ADNP2: variants seen among roughly 807,000 people sequenced by gnomAD.
The protein encoded by ADNP2 is ADNP homeobox 2, also known as activity-dependent neuroprotector homeobox protein 2.
A neutral mutation model predicts 16.4 loss-of-function variants in ADNP2; 8 were observed. That is an observed-to-expected ratio of 0.49 (90% CI 0.29 to 0.88). ADNP2 has a LOEUF of 0.88. Among genes scored for constraint, ADNP2 ranks in the 40% least tolerant of loss-of-function variants. The pLI, the probability that ADNP2 is intolerant of heterozygous loss-of-function variation, is 0.09. For synonymous variants in ADNP2, 637 were observed against 545.8 expected (o/e 1.17, Z -2.33); for missense variants, 1,397 against 1,395.1 (o/e 1.00, Z -0.02).
chr18:80,137,038 T>G lies in ADNP2; in HGVS notation c.1625T>G (p.Val542Gly). 2 of 1,614,178 alleles carry G rather than the reference T, an allele frequency of 1.2e-6. No homozygotes were observed. The highest frequency in any genetic ancestry group is 8.5e-7 in the Non-Finnish European group (1 of 1,180,024). ...VPVNQGVNSG[V>G]LQLSQPVVSG... The stretch of plus-strand genomic sequence containing the variant: ...GTAAACCAGGGTGTGAATTCTGGTG[T>G]TCTGCAGCTTAGTCAGCCTGTTGTG... Residue 542 changes from valine (V) to glycine (G), a missense_variant, in exon 4 of 4, where the codon GTT becomes GGT. Val to Gly is a moderately radical substitution (Grantham distance 109). Around this residue, in one of 3 missense-constraint regions of ADNP2, gnomAD observed 777 missense variants for 719.4 expected, o/e 1.08. Transcript: ENST00000262198. The surrounding 1 kb of genome is among the most constrained non-coding windows in gnomAD (Gnocchi z 4.2).
chr18:80,125,818 A>AT (rs2052455006), intron 2 of ADNP2, among the ~76,000 whole-genome samples: 1 of 152,058 alleles, frequency 6.6e-6, no homozygotes, highest in South Asian at 2.1e-4. Flanking sequence ...CTCAAAAAAA[A>AT]TTTTTTTAAT....
At chr18:80,129,837 T>A (rs967762781) in intron 2 of ADNP2, among the ~76,000 whole-genome samples, 2 of 152,174 alleles carry the variant, frequency 1.3e-5, no homozygotes, top group African/African-American at 4.8e-5. Flanking sequence ...GTAGTTTTAT[T>A]TGGGGGCTTG....
chr18:80,136,924 C>T lies in ADNP2; in HGVS notation c.1511C>T (p.Ala504Val). ...PSRVLPPGQT[A>V]PLRVISAGQV... ...CGGGTTCTTCCCCCAGGCCAGACAGCCCCATTGAGGGTTATCTCTGCAGGC... is the reference window on the plus strand; with the variant it reads ...CGGGTTCTTCCCCCAGGCCAGACAGTCCCATTGAGGGTTATCTCTGCAGGC... The change falls in exon 4 of 4, where the codon GCC (alanine) becomes GTC (valine). Residue 504 changes from alanine (A) to valine (V), a missense_variant. This residue lies in a region of ADNP2 where 777 missense variants were observed against 719.4 expected (regional missense o/e 1.08). Transcript: ENST00000262198. The T allele has an allele frequency of 6.2e-7, 1 of 1,613,798 alleles. No homozygotes were observed. Among genetic ancestry groups the T allele is most frequent in the African/African-American group, 1.3e-5 (1 of 75,014 alleles).
In ADNP2 at chr18:80,138,680, A is replaced by AT; in HGVS notation, c.3273dup (p.Gly1092TrpfsTer23). The AT allele has an allele frequency of 6.2e-7, 1 of 1,612,556 alleles. No individual in the cohort carries two copies. Among genetic ancestry groups the AT allele is most frequent in the Non-Finnish European group, 8.5e-7 (1 of 1,179,714 alleles). On this transcript the variant is annotated frameshift_variant, in exon 4 of 4. Coordinates refer to ENST00000262198, the MANE Select transcript of ADNP2 (RefSeq NM_014913.4). LOFTEE classifies it high-confidence loss of function. ...GGGTGTGGAAAATTGATGTGGCTTC[A>AT]TTTTTTGGAAAAAGAAGGTATATTT...
At chr18:80,128,041 G>C (rs1248173052) in intron 2 of ADNP2, among the ~76,000 whole-genome samples, 2 of 152,160 alleles carry the variant, frequency 1.3e-5, no homozygotes, top group African/African-American at 4.8e-5. Flanking sequence ...TACTTCTTTT[G>C]TCTATTTTGA....
chr18:80,124,451 A>G (rs1568410861), intron 2 of ADNP2, among the ~76,000 whole-genome samples: 1 of 152,212 alleles, frequency 6.6e-6, no homozygotes, highest in Non-Finnish European at 1.5e-5. Context: ...GGTTTATGAC[A>G]AAGAAAGGAT....
chr18:80,120,411 A>C lies in ADNP2; in HGVS notation c.108+2761A>C, dbSNP rs74471162. Among the ~76,000 whole-genome samples the C allele has an allele frequency of 2.7e-5, 4 of 149,094 alleles. No homozygotes were observed. The East Asian group carries it at 8.0e-4, about 30-fold the overall frequency. On this transcript the variant is annotated intron_variant, in intron 2 of 3. Transcript: ENST00000262198. The stretch of plus-strand genomic sequence containing the variant: ...CAGTGGTACAATCATGGCTCCCTGC[A>C]GCCTTGATTTCCTGGGCTCAGATGA...
intron 2 of ADNP2, among the ~76,000 whole-genome samples, chr18:80,122,715 C>G (rs2052432551): frequency 6.6e-6 from 1 of 152,186 alleles, no homozygotes; most frequent in South Asian, 2.1e-4. Flanking sequence ...CTGGTAGTTT[C>G]TTGTAGATTC....
Position 80,135,793 on chromosome 18 carries a change from TC to T in ADNP2, c.382del (p.His128MetfsTer12). 1.2e-6 allele frequency: 2 copies of T among 1,614,204 alleles called. No homozygotes were observed. Among genetic ancestry groups the T allele is most frequent in the Non-Finnish European group, 8.5e-7 (1 of 1,180,032 alleles). On this transcript the variant is annotated frameshift_variant, in exon 4 of 4. Transcript: ENST00000262198. LOFTEE classifies it low-confidence loss of function (END_TRUNC). ...PKVVGRHFRM[F>X]HAPVRKVQNY... Reference sequence around the variant, plus strand: ...GTTGTGGGAAGGCACTTCAGAATGTTCCATGCACCTGTCCGGAAAGTCCAGA... The same window carrying T: ...GTTGTGGGAAGGCACTTCAGAATGTTCATGCACCTGTCCGGAAAGTCCAGA...
At chr18:80,130,800 T>C (rs1229437303) in intron 2 of ADNP2, among the ~76,000 whole-genome samples, 1 of 146,452 alleles carries the variant, frequency 6.8e-6, no homozygotes, top group Non-Finnish European at 1.5e-5. Flanking sequence ...TATACTCCTT[T>C]ACCACTTCAC....
intron 1 of ADNP2, among the ~76,000 whole-genome samples, chr18:80,111,663 T>C (rs1379942510): frequency 6.7e-6 from 1 of 149,298 alleles, no homozygotes; most frequent in African/African-American, 2.5e-5. Context: ...GTCTCCCGGG[T>C]TCAAGCGATT....
intron 2 of ADNP2, among the ~76,000 whole-genome samples, chr18:80,131,485 A>T (rs539929647): frequency 6.6e-6 from 1 of 152,116 alleles, no homozygotes. Context: ...AAAAAAATAC[A>T]CTTTTCTTTC....
intron 2 of ADNP2, among the ~76,000 whole-genome samples, chr18:80,124,363 C>T (rs991168024): frequency 6.6e-6 from 1 of 152,140 alleles, no homozygotes; most frequent in Non-Finnish European, 1.5e-5. Flanking sequence ...ACTGGTGTTC[C>T]CACAACTCCC....
At position 80,136,922 on chromosome 18, in the gene ADNP2, A is replaced by G. The variant is rs1281933150; in HGVS notation, c.1509A>G (p.Thr503=). 6 of 1,613,848 alleles carry G rather than the reference A, an allele frequency of 3.7e-6. No individual in the cohort carries two copies. In the Admixed American group the frequency reaches 6.7e-5, roughly 18 times the overall value. ...CACGGGTTCTTCCCCCAGGCCAGAC[A>G]GCCCCATTGAGGGTTATCTCTGCAG... ...APSRVLPPGQ[T]APLRVISAGQ... Residue 503 remains threonine (T), a synonymous_variant, in exon 4 of 4, where the codon ACA becomes ACG. Coordinates refer to ENST00000262198, the MANE Select transcript of ADNP2 (RefSeq NM_014913.4).
In ADNP2 at chr18:80,117,556, C is replaced by G; in HGVS notation, c.14C>G (p.Pro5Arg). The change falls in exon 2 of 4, where the codon CCT becomes CGT. Residue 5 changes from proline (P) to arginine (R), a missense_variant. Pro to Arg is a moderately radical substitution (Grantham distance 103). Transcript: ENST00000262198. ...AAAATTTCAAAAATGTTTCAAATTCCTGTGGAAAATCTTGACAACATCAGA... is the reference window on the plus strand; with the variant it reads ...AAAATTTCAAAAATGTTTCAAATTCGTGTGGAAAATCTTGACAACATCAGA... MFQI[P>R]VENLDNIRKV... The G allele has an allele frequency of 6.3e-7, 1 of 1,588,820 alleles. No individual in the cohort carries two copies. Among genetic ancestry groups the G allele is most frequent in the Non-Finnish European group, 8.5e-7 (1 of 1,172,070 alleles).
chr18:80,117,698 C>A (rs755080714), intron 2 of ADNP2, 48 bp downstream of exon 2: 2 of 1,466,492 alleles, frequency 1.4e-6, no homozygotes, highest in Non-Finnish European at 1.9e-6. Context: ...GAGATTTGAA[C>A]TCGGGTTTTT....
intron 1 of ADNP2, among the ~76,000 whole-genome samples, chr18:80,110,878 A>T (rs770403638): frequency 6.6e-6 from 1 of 152,060 alleles, no homozygotes; most frequent in Non-Finnish European, 1.5e-5. Flanking sequence ...AGGAACAGTG[A>T]GGGTTAGGAC....
rs560197270 is a variant in ADNP2 at position 80,111,406 on chromosome 18, C to A, written c.-14+1934C>A. On this transcript the variant is annotated intron_variant, in intron 1 of 3. Transcript: ENST00000262198. ...AGGCCTGGAGAGAGTAAGTGATTTCCTGAAGATTACACAGCTCATAAATGG... is the reference window on the plus strand; with the variant it reads ...AGGCCTGGAGAGAGTAAGTGATTTCATGAAGATTACACAGCTCATAAATGG... Among the ~76,000 whole-genome samples the A allele has an allele frequency of 2.1e-3, 325 of 152,246 alleles. 1 individual carries two copies. Among genetic ancestry groups the A allele is most frequent in the Non-Finnish European group, 3.6e-3 (248 of 68,028 alleles).
chr18:80,136,981 A>G lies in ADNP2; in HGVS notation c.1568A>G (p.Asn523Ser), dbSNP rs200217900. Residue 523 changes from asparagine (N) to serine (S), a missense_variant, in exon 4 of 4, where the codon AAC becomes AGC. By Grantham distance (46) the Asn-to-Ser change is conservative (BLOSUM62 1). Coordinates refer to ENST00000262198, the MANE Select transcript of ADNP2 (RefSeq NM_014913.4). ...GTCCCGTCTGGGCTTCTTTCTCCCA[A>G]CCAGACAGTCTCCTCCTCAGCTGTT... ...QVVPSGLLSPNQTVSSSAVVP... is the reference protein window; with the variant it reads ...QVVPSGLLSPSQTVSSSAVVP... 7.4e-6 allele frequency: 12 copies of G among 1,613,662 alleles called. No homozygotes were observed. The highest frequency in any genetic ancestry group is 2.2e-5 in the East Asian group (1 of 44,876).
Sources: gnomAD v4.1 joint callset for allele counts (sites outside exome capture counted in the v4.1 genomes callset) on GRCh38, gnomAD v4.1.1 for gene constraint, gnomAD v4.1.1 regional missense constraint, Gnocchi (gnomAD v3.1) non-coding constraint, MANE v1.5 for transcripts, NCBI Gene and HGNC (gene_info 2026-07-23, HGNC 2026-07-21) for gene names.